Variants in CACNA1C observed in about 807,000 individuals in gnomAD.
CACNA1C encodes the protein voltage-dependent L-type calcium channel subunit alpha-1C.
A neutral mutation model predicts 229.0 loss-of-function variants in CACNA1C; 30 were observed. The observed-to-expected ratio is 0.13, with a 90% CI of 0.10 to 0.18. The LOEUF (loss-of-function observed/expected upper bound fraction) is 0.18, where lower values mean the gene tolerates loss of function less well. Among genes scored for constraint, CACNA1C ranks in the 10% least tolerant of loss-of-function variants. CACNA1C has a pLI of 1.00. For missense variants in CACNA1C, 1,658 were observed against 2,845.0 expected (o/e 0.58, Z 9.49); for synonymous variants, 1,114 against 1,132.5 (o/e 0.98, Z 0.33).
chr12:2,219,633 C>T (rs1253149812), intron 3 of CACNA1C, among the ~76,000 whole-genome samples: 2 of 152,282 alleles, frequency 1.3e-5, no homozygotes, highest in Middle Eastern at 3.4e-3. Context: ...AGCTCCAGCC[C>T]GTAACCTGTG....
intron 3 of CACNA1C, among the ~76,000 whole-genome samples, chr12:2,177,626 T>TC (rs2096705156): frequency 7.5e-5 from 7 of 92,748 alleles, no homozygotes; most frequent in Admixed American, 2.5e-4. Flanking sequence ...CCTTCCTTCC[T>TC]TCTCTCTCTC....
At chr12:2,140,116 C>G (rs2093998210) in intron 3 of CACNA1C, among the ~76,000 whole-genome samples, 2 of 151,358 alleles carry the variant, frequency 1.3e-5, no homozygotes, top group Admixed American at 1.3e-4. Flanking sequence ...CCCTCTCTCA[C>G]TGCCCATACG....
intron 3 of CACNA1C, among the ~76,000 whole-genome samples, chr12:2,437,796 T>G (rs1015314162): frequency 4.1e-5 from 6 of 147,634 alleles, no homozygotes; most frequent in Admixed American, 1.3e-4. Context: ...ATGGTGGTGG[T>G]GGGGATGGTG....
chr12:2,264,835 G>T (rs1234102129), intron 3 of CACNA1C, among the ~76,000 whole-genome samples: 5 of 152,202 alleles, frequency 3.3e-5, no homozygotes, highest in African/African-American at 4.8e-5. Context: ...GGGGCAGAGA[G>T]TTAGTTCCAT....
chr12:2,392,181 C>T (rs142555929), intron 3 of CACNA1C, among the ~76,000 whole-genome samples: 8 of 152,062 alleles, frequency 5.3e-5, no homozygotes, highest in South Asian at 4.1e-4. Flanking sequence ...AGGCATTGAC[C>T]GATAATAAAT....
chr12:2,019,577 AAGAG>A (rs1166962435), intron 1 of CACNA1C, among the ~76,000 whole-genome samples: 37 of 117,530 alleles, frequency 3.1e-4, no homozygotes, highest in South Asian at 7.7e-4. Context: ...AAAGAAAAGA[AAGAG>A]AGAGAGAAAG....
At chr12:2,537,998 G>A (rs568322893) in intron 9 of CACNA1C, among the ~76,000 whole-genome samples, 27 of 149,922 alleles carry the variant, frequency 1.8e-4, no homozygotes, top group Middle Eastern at 3.5e-3. Flanking sequence ...CCGCCAACCC[G>A]GCAGCAATAA....
intron 3 of CACNA1C, among the ~76,000 whole-genome samples, chr12:2,422,381 C>T (rs781548352): frequency 3.3e-5 from 5 of 152,176 alleles, no homozygotes; most frequent in South Asian, 4.1e-4. Context: ...GCTGAGCCTT[C>T]GTCCTTTTTT....
At chr12:2,009,098 T>A (rs936334251) in intron 1 of CACNA1C, among the ~76,000 whole-genome samples, 17 of 152,232 alleles carry the variant, frequency 1.1e-4, no homozygotes, top group Non-Finnish European at 2.1e-4. Flanking sequence ...TGTGTTTCCA[T>A]AAGCCTCATG....
At chr12:2,262,477 T>C (rs529835358) in intron 3 of CACNA1C, among the ~76,000 whole-genome samples, 88 of 152,336 alleles carry the variant, frequency 5.8e-4, no homozygotes, top group African/African-American at 2.1e-3. Context: ...TAGTACAGTC[T>C]TCCCTGTGGC....
At position 2,649,470 on chromosome 12, in the gene CACNA1C, C is replaced by T. The variant is rs903580717; in HGVS notation, c.3945+963C>T. Reference sequence around the variant, plus strand: ...AAGGCTGAGCCCGGGTGCTCTACCCCGCTTCCTGGGGACTCTGCTTCTGGG... The same window carrying T: ...AAGGCTGAGCCCGGGTGCTCTACCCTGCTTCCTGGGGACTCTGCTTCTGGG... On this transcript the variant is annotated intron_variant, in intron 31 of 46. Coordinates refer to ENST00000399655, the MANE Select transcript of CACNA1C (RefSeq NM_000719.7). The surrounding 1 kb of genome is among the most constrained non-coding windows in gnomAD (Gnocchi z 4.4). Among the ~76,000 whole-genome samples the T allele has an allele frequency of 2.6e-5, 4 of 152,208 alleles. No individual in the cohort carries two copies. The highest frequency in any genetic ancestry group is 4.8e-5 in the African/African-American group (2 of 41,458).
chr12:2,652,973 G>T (rs1174742756), intron 32 of CACNA1C, among the ~76,000 whole-genome samples: 1 of 152,262 alleles, frequency 6.6e-6, no homozygotes, highest in African/African-American at 2.4e-5. Flanking sequence ...AGGCGTTCGG[G>T]CCAGGCAGCT....
At chr12:2,461,720 T>G (rs945908520) in intron 5 of CACNA1C, among the ~76,000 whole-genome samples, 1 of 152,216 alleles carries the variant, frequency 6.6e-6, no homozygotes, top group African/African-American at 2.4e-5. Context: ...CAGGCCTTAT[T>G]GGACTTATTT....
Position 2,468,226 on chromosome 12 carries a change from A to G in CACNA1C, c.757+10520A>G, listed in dbSNP as rs568725023. 7.9e-5 allele frequency among the ~76,000 whole-genome samples: 12 copies of G among 152,354 alleles called. No individual in the cohort carries two copies. In the East Asian group the frequency reaches 2.3e-3, roughly 29 times the overall value. ...TAGATACAGCAGGTAAAAAGTCCTCATGGCAAAGAATGCCTGCAGTCACAC... is the reference window on the plus strand; with the variant it reads ...TAGATACAGCAGGTAAAAAGTCCTCGTGGCAAAGAATGCCTGCAGTCACAC... On this transcript the variant is annotated intron_variant, in intron 5 of 46. Coordinates refer to ENST00000399655, the MANE Select transcript of CACNA1C (RefSeq NM_000719.7).
chr12:2,052,901 G>A (rs2052676267), upstream of CACNA1C: 3 of 797,566 alleles, frequency 3.8e-6, no homozygotes, highest in Non-Finnish European at 4.5e-6. Flanking sequence ...CGCCGGGCGG[G>A]CGGGCGGGCG....
At chr12:2,231,428 A>G (rs187015573) in intron 3 of CACNA1C, among the ~76,000 whole-genome samples, 2 of 152,338 alleles carry the variant, frequency 1.3e-5, no homozygotes, top group Admixed American at 1.3e-4. Context: ...TAATGTTTTT[A>G]TGGTTTTCAA....
chr12:2,564,589 T>C (rs544644258), intron 11 of CACNA1C, among the ~76,000 whole-genome samples: 10 of 152,276 alleles, frequency 6.6e-5, no homozygotes, highest in Middle Eastern at 3.4e-3. Context: ...TTCTCATAAC[T>C]GACCCCTCTG....
chr12:2,625,759 T>C (rs1007908837), intron 29 of CACNA1C, among the ~76,000 whole-genome samples: 4 of 147,766 alleles, frequency 2.7e-5, no homozygotes. Flanking sequence ...AAGACCACCC[T>C]GGGCAAGACC....
At chr12:2,043,123 T>C (rs2050423139) in intron 1 of CACNA1C, among the ~76,000 whole-genome samples, 1 of 152,228 alleles carries the variant, frequency 6.6e-6, no homozygotes, top group African/African-American at 2.4e-5. Context: ...GCAAGATCAT[T>C]ATGGTTACAG....
Sources: allele counts gnomAD v4.1 joint callset (sites outside exome capture counted in the v4.1 genomes callset), GRCh38; gene constraint gnomAD v4.1.1; non-coding constraint Gnocchi (gnomAD v3.1); transcripts MANE v1.5; gene names NCBI Gene and HGNC (gene_info 2026-07-23, HGNC 2026-07-21).